The following TENT5D variants were observed in gnomAD, a reference collection of about 807,000 sequenced individuals.
The protein encoded by TENT5D is cancer/testis antigen 112.
For synonymous variants in TENT5D, 103 were observed against 100.6 expected (o/e 1.02, Z -0.15); for missense variants, 191 against 287.0 (o/e 0.67, Z 2.42).
chrX:80,353,713 A>G (rs898588789), intron 3 of TENT5D, among the ~76,000 whole-genome samples: 5 of 111,850 alleles, frequency 4.5e-5, no homozygotes, highest in Non-Finnish European at 3.8e-5. Context: ...TGTCTTTGCT[A>G]TTGTGAATAT....
At chrX:80,421,171 C>T (rs1485628568) in intron 1 of TENT5D, among the ~76,000 whole-genome samples, 3 of 110,672 alleles carry the variant, frequency 2.7e-5, no homozygotes, top group Non-Finnish European at 5.7e-5. Context: ...TGTCTTATCT[C>T]ATTTGTATAG....
At chrX:80,356,714 T>C (rs1351504540) in intron 3 of TENT5D, among the ~76,000 whole-genome samples, 2 of 111,777 alleles carry the variant, frequency 1.8e-5, no homozygotes, top group African/African-American at 6.5e-5. Context: ...TATTTTTAAT[T>C]ATATATTAAG....
At chrX:80,432,853 G>A in intron 1 of TENT5D, among the ~76,000 whole-genome samples, 1 of 110,852 alleles carries the variant, frequency 9.0e-6, no homozygotes, top group Non-Finnish European at 1.9e-5. Flanking sequence ...GGTTTTTATG[G>A]ACTGGGAAGG....
intron 3 of TENT5D, among the ~76,000 whole-genome samples, chrX:80,369,144 AG>A (rs772562764): frequency 9.0e-6 from 1 of 111,713 alleles, no homozygotes; most frequent in Admixed American, 9.6e-5. Flanking sequence ...AAGTGACTTG[AG>A]GGCTTAGATT....
chrX:80,343,938 C>G (rs746219291), intron 3 of TENT5D, among the ~76,000 whole-genome samples: 97 of 110,599 alleles, frequency 8.8e-4, no homozygotes, highest in Admixed American at 1.5e-3. Context: ...TTTTTTGAAT[C>G]TCAGTCTCCT....
chrX:80,358,911 G>T (rs1569357723), intron 3 of TENT5D, among the ~76,000 whole-genome samples: 1 of 111,925 alleles, frequency 8.9e-6, no homozygotes, highest in Non-Finnish European at 1.9e-5. Context: ...AGACTTAAAA[G>T]ATTTGGATAG....
intron 3 of TENT5D, among the ~76,000 whole-genome samples, chrX:80,342,995 G>T (rs1425380120): frequency 2.8e-5 from 3 of 109,039 alleles, no homozygotes; most frequent in Non-Finnish European, 5.7e-5. Context: ...CAACTCTCTG[G>T]ATACTTTTAA....
chrX:80,371,013 G>T (rs1930615090), intron 3 of TENT5D, among the ~76,000 whole-genome samples: 1 of 111,909 alleles, frequency 8.9e-6, no homozygotes, highest in Non-Finnish European at 1.9e-5. Flanking sequence ...TAGTTATTCA[G>T]CAGTGATAAG....
rs1218002001 is a variant in TENT5D, at chrX:80,444,522, A to G, written c.*813A>G. ...GCTCTGAATGTGAAAGCTTTCTATC[A>G]TCATCTACTACAAAGAGACTCTAAA... On this transcript the variant is annotated 3_prime_UTR_variant, in exon 3 of 3. Transcript: ENST00000308293. The G allele has an allele frequency of 1.7e-4, 21 of 122,538 alleles. No homozygotes were observed. In the Admixed American group the frequency reaches 2.0e-3, roughly 12 times the overall value. The allele number at this position is 122,538 out of a possible 1,213,427, so 10.1% of individuals were successfully genotyped here.
At chrX:80,341,349 T>G (rs1004845608) in intron 2 of TENT5D, among the ~76,000 whole-genome samples, 1 of 112,436 alleles carries the variant, frequency 8.9e-6, no homozygotes, top group African/African-American at 3.2e-5. Context: ...ATTTGTGCCT[T>G]AAAAGTCAGA....
chrX:80,407,125 G>A (rs1311623045), intron 3 of TENT5D, among the ~76,000 whole-genome samples: 42 of 108,158 alleles, frequency 3.9e-4, no homozygotes, highest in Non-Finnish European at 7.1e-4. Flanking sequence ...TGGAACAACC[G>A]GTACCAGCCA....
intron 3 of TENT5D, among the ~76,000 whole-genome samples, chrX:80,357,749 T>C (rs1031847418): frequency 9.0e-6 from 1 of 111,342 alleles, no homozygotes; most frequent in Admixed American, 9.6e-5. Flanking sequence ...CAAGGTAATT[T>C]ATAGATTCAG....
chrX:80,351,427 G>T (rs1337633341), intron 3 of TENT5D, among the ~76,000 whole-genome samples: 1 of 105,866 alleles, frequency 9.4e-6, no homozygotes, highest in Non-Finnish European at 1.9e-5. Context: ...TCTTTCTTCT[G>T]CTTGATTGAT....
At chrX:80,441,056 C>A (rs969401034) in intron 2 of TENT5D, among the ~76,000 whole-genome samples, 1 of 111,047 alleles carries the variant, frequency 9.0e-6, no homozygotes, top group African/African-American at 3.3e-5. Flanking sequence ...GATAAATTAC[C>A]AAATTCTGAA....
exon 3 of TENT5D, chrX:80,442,644 A>G (rs761588244): frequency 1.7e-6 from 2 of 1,210,457 alleles, no homozygotes; most frequent in South Asian, 1.8e-5. Flanking sequence ...ATTTCCCCAC[A>G]ATGGAGGTAA....
At chrX:80,392,117 C>A (rs1397019137) in intron 3 of TENT5D, among the ~76,000 whole-genome samples, 3 of 111,971 alleles carry the variant, frequency 2.7e-5, no homozygotes, top group Non-Finnish European at 3.8e-5. Context: ...ATATCTGCCT[C>A]AAATGATAGC....
At chrX:80,378,442 G>C (rs1930778911) in intron 3 of TENT5D, among the ~76,000 whole-genome samples, 1 of 111,637 alleles carries the variant, frequency 9.0e-6, no homozygotes, top group South Asian at 3.7e-4. Context: ...TACAGTTTCA[G>C]CTTTCTACAT....
At chrX:80,417,136 T>C (rs1931792625), upstream of TENT5D, among the ~76,000 whole-genome samples, 1 of 105,504 alleles carries the variant, frequency 9.5e-6, no homozygotes, top group African/African-American at 3.5e-5. Flanking sequence ...GCTTTTTTTT[T>C]CTATTTTCCA....
chrX:80,420,335 G>A (rs1256791769), upstream of TENT5D: 3 of 109,212 alleles, frequency 2.7e-5, no homozygotes, highest in Non-Finnish European at 3.8e-5. Context: ...TGAGATTTGG[G>A]ACTCAGAATT....
Sources: gnomAD v4.1 joint callset for allele counts (sites outside exome capture counted in the v4.1 genomes callset) on GRCh38, gnomAD v4.1.1 for gene constraint, MANE v1.5 for transcripts, NCBI Gene and HGNC (gene_info 2026-07-23, HGNC 2026-07-21) for gene names.